DNAH1: variants seen among roughly 807,000 people sequenced by gnomAD.
DNAH1 encodes axonemal beta dynein heavy chain 1.
DNAH1 carries 327 observed loss-of-function variants against 484.3 expected under a neutral mutation model. The ratio of observed to expected loss-of-function variants is 0.68; its 90% CI spans 0.62 to 0.74. The LOEUF is 0.74. Ranked by LOEUF, DNAH1 falls within the 30% of genes least tolerant of loss-of-function variation. The pLI, the probability that DNAH1 is intolerant of heterozygous loss-of-function variation, is 0.00. For missense variants in DNAH1, 5,052 were observed against 5,546.8 expected, an observed-to-expected ratio of 0.91 and a Z score of 2.83; for synonymous variants, 2,192 against 2,191.9, an observed-to-expected ratio of 1.00 and a Z score of 0.00.
rs751116692 is a variant in DNAH1 at position 52,370,830 on chromosome 3, C to T, written c.6525+5C>T. 11 of 1,586,824 alleles carry T rather than the reference C, an allele frequency of 6.9e-6. No homozygotes were observed. In the Admixed American group the frequency reaches 2.0e-4, roughly 29 times the overall value. On this transcript the variant is annotated splice_donor_5th_base_variant and intron_variant, in intron 41 of 77. Transcript: ENST00000420323. ...GAAGAGGAGGAATACAAGCAGGTGG[C>T]CGCAGGCCCTCCCCAGAGACTGCAC... is the stretch of plus-strand genomic sequence containing the variant.
Position 52,398,089 on chromosome 3 carries a change from C to A in DNAH1, c.12016C>A (p.Gln4006Lys). 1 of 1,613,922 alleles carries A rather than the reference C, an allele frequency of 6.2e-7. No individual in the cohort carries two copies. The highest frequency in any genetic ancestry group is 1.1e-5 in the South Asian group (1 of 91,086). Residue 4006 changes from glutamine (Q) to lysine (K), a missense_variant, in exon 75 of 78, where the codon CAA (glutamine) becomes AAA (lysine). Around this residue, in one of 4 missense-constraint regions of DNAH1, gnomAD observed 853 missense variants for 899.0 expected, o/e 0.95. Transcript: ENST00000420323. ...LLKVPEPINL[Q>K]WVMAKYPVLY... ...CAAGGTGCCTGAGCCTATCAACTTG[C>A]AATGGGTGATGGCCAAGTACCCAGT...
At chr3:52,320,439 C>A (rs1217189645) in intron 1 of DNAH1, among the ~76,000 whole-genome samples, 1 of 152,214 alleles carries the variant, frequency 6.6e-6, no homozygotes, top group Non-Finnish European at 1.5e-5. Flanking sequence ...CCTGCCAGAG[C>A]CCCATCTTTC....
intron 21 of DNAH1, 64 bp from the exon 22 acceptor site, chr3:52,356,550 G>T (rs1702617205): frequency 6.4e-7 from 1 of 1,564,212 alleles, no homozygotes; most frequent in Admixed American, 1.7e-5. Flanking sequence ...CAGTCATTGG[G>T]ACAAACCCCA....
At chr3:52,374,674 C>T (rs1042935298) in intron 44 of DNAH1, 1 of 1,439,432 alleles carries the variant, frequency 6.9e-7, no homozygotes, top group Admixed American at 1.7e-5. Context: ...ATCATGTTTC[C>T]TTCCTTGTAC....
intron 35 of DNAH1, 67 bp from the exon 36 acceptor site, chr3:52,366,666 C>A: frequency 1.3e-6 from 2 of 1,572,858 alleles, no homozygotes; most frequent in South Asian, 1.2e-5. Context: ...CTCCCCCTCC[C>A]CTTGGCCCCC....
intron 66 of DNAH1, among the ~76,000 whole-genome samples, chr3:52,393,845 G>A (rs192353791): frequency 1.3e-5 from 2 of 152,344 alleles, no homozygotes; most frequent in Admixed American, 1.3e-4. Context: ...GTTGCAGTGG[G>A]CTGAGATCGT....
At position 52,381,266 on chromosome 3, in the gene DNAH1, AATTTTT is replaced by A. The variant is rs1457041979; in HGVS notation, c.7609-361_7609-356del. Among the ~76,000 whole-genome samples the A allele has an allele frequency of 4.6e-5, 7 of 151,940 alleles. No homozygotes were observed. The highest frequency in any genetic ancestry group is 1.7e-4 in the African/African-American group (7 of 41,332). ...CAGGCACGCACCACCACGCCCAGCT[AATTTTT>A]ATTTTTATTTTTTATTTTTTGGTAG... is the stretch of plus-strand genomic sequence containing the variant. On this transcript the variant is annotated intron_variant, in intron 48 of 77. Transcript: ENST00000420323. This position sits in a 1 kb window ranked among gnomAD's most constrained non-coding sequence, Gnocchi z 4.1.
intron 46 of DNAH1, among the ~76,000 whole-genome samples, chr3:52,377,740 C>T (rs1703664288): frequency 8.6e-6 from 1 of 115,662 alleles, no homozygotes; most frequent in African/African-American, 3.9e-5. Context: ...GCTTGCATCT[C>T]ACTTCTCTGC....
intron 51 of DNAH1, 45 bp from the exon 52 acceptor site, chr3:52,383,815 G>A (rs774466824): frequency 1.8e-5 from 28 of 1,536,716 alleles, no homozygotes; most frequent in Non-Finnish European, 2.4e-5. Flanking sequence ...TCCTGGGGTC[G>A]TTGGTCAGTG....
Position 52,395,158 on chromosome 3 carries a change from A to T in DNAH1, c.10968+99A>T. ...TCTGGATAGACTACTTGGCCAGGCC[A>T]GGACCCCTGCTTGCTCCCTAAAGGC... On this transcript the variant is annotated intron_variant, in intron 68 of 77. Transcript: ENST00000420323. This position sits in a 1 kb window ranked among gnomAD's most constrained non-coding sequence, Gnocchi z 4.4. The T allele has an allele frequency of 6.6e-7, 1 of 1,508,508 alleles. No individual in the cohort carries two copies. Among genetic ancestry groups the T allele is most frequent in the African/African-American group, 1.4e-5 (1 of 72,316 alleles). The allele number at this position is 1,508,508 out of a possible 1,614,324, so 93.4% of individuals were successfully genotyped here.
In DNAH1 at chr3:52,356,552, C is replaced by A. The variant is rs1344895330; in HGVS notation, c.3694-62C>A. 4 of 1,567,476 alleles carry A rather than the reference C, an allele frequency of 2.6e-6. No individual in the cohort carries two copies. The Admixed American group carries it at 5.2e-5, about 20-fold the overall frequency. ...GGGTGAAATGTCCCAGTCATTGGGA[C>A]AAACCCCAGCTTGGACCCTGACAGT... On this transcript the variant is annotated intron_variant, in intron 21 of 77. Transcript: ENST00000420323.
intron 16 of DNAH1, among the ~76,000 whole-genome samples, 183 bp downstream of exon 16, chr3:52,350,773 G>A (rs1236026907): frequency 6.6e-6 from 1 of 152,224 alleles, no homozygotes; most frequent in Admixed American, 6.5e-5. Context: ...CCAGGTGGCC[G>A]AAGGAATTCA....
chr3:52,335,605 G>T (rs1479554741), intron 8 of DNAH1, among the ~76,000 whole-genome samples: 1 of 151,698 alleles, frequency 6.6e-6, no homozygotes, highest in Non-Finnish European at 1.5e-5. Context: ...CACCGCACCC[G>T]GCCCTTTTGC....
intron 8 of DNAH1, among the ~76,000 whole-genome samples, chr3:52,341,184 C>T (rs1701925428): frequency 6.6e-6 from 1 of 152,158 alleles, no homozygotes; most frequent in South Asian, 2.1e-4. Flanking sequence ...AAAACCAATG[C>T]AGGACGCCCC....
chr3:52,356,511 G>C (rs1702615124), intron 21 of DNAH1, 103 bp from the exon 22 acceptor site: 1 of 1,219,666 alleles, frequency 8.2e-7, no homozygotes, highest in Non-Finnish European at 1.2e-6. Flanking sequence ...CCAGTGCTCT[G>C]CCCAACATGC....
rs1314262487 is a variant in DNAH1 at position 52,326,733 on chromosome 3, A to G, written c.582-2A>G. On this transcript the variant is annotated splice_acceptor_variant, in intron 4 of 77. Coordinates refer to ENST00000420323, the MANE Select transcript of DNAH1 (RefSeq NM_015512.5). LOFTEE classifies it high-confidence loss of function. ...TGAGGTCCCCTCCCTGCCCTTGACC[A>G]GGAGGAAACAGCAGTACCTGAGCCT... 1.2e-6 allele frequency: 2 copies of G among 1,604,692 alleles called. No homozygotes were observed. The highest frequency in any genetic ancestry group is 1.7e-6 in the Non-Finnish European group (2 of 1,173,400).
At chr3:52,380,248 G>A in intron 48 of DNAH1, 113 bp downstream of exon 48, 1 of 949,262 alleles carries the variant, frequency 1.1e-6, no homozygotes. Context: ...ATAACCAGGG[G>A]GCCAGGACGC....
At chr3:52,375,867 C>A in intron 45 of DNAH1, 88 bp from the exon 46 acceptor site, 1 of 1,460,964 alleles carries the variant, frequency 6.8e-7, no homozygotes, top group Non-Finnish European at 9.5e-7. Context: ...CCCCAAGATG[C>A]TGTTTCCCCC....
At position 52,333,181 on chromosome 3, in the gene DNAH1, C is replaced by T. The variant is rs374699761; in HGVS notation, c.1286+787C>T. Among the ~76,000 whole-genome samples the T allele has an allele frequency of 2.4e-4, 36 of 152,264 alleles. No homozygotes were observed. In the East Asian group the frequency reaches 5.4e-3, roughly 23 times the overall value. ...GATTATAGGCATGAGCCATCATGCCCGGCTGGAAGTTCCTTTTAGTTGAGG... is the reference window on the plus strand; with the variant it reads ...GATTATAGGCATGAGCCATCATGCCTGGCTGGAAGTTCCTTTTAGTTGAGG... On this transcript the variant is annotated intron_variant, in intron 8 of 77. Transcript: ENST00000420323.
Sources: allele counts gnomAD v4.1 joint callset (sites outside exome capture counted in the v4.1 genomes callset), GRCh38; gene constraint gnomAD v4.1.1; regional missense constraint gnomAD v4.1.1; non-coding constraint Gnocchi (gnomAD v3.1); transcripts MANE v1.5; gene names NCBI Gene and HGNC (gene_info 2026-07-23, HGNC 2026-07-21).